The following CTSS variants were observed in gnomAD, a reference collection of about 807,000 sequenced individuals.
The protein encoded by CTSS is cathepsin S.
A neutral mutation model predicts 39.9 loss-of-function variants in CTSS; 15 were observed. That is an observed-to-expected ratio of 0.38 (90% CI 0.25 to 0.58). The LOEUF is 0.58. Among genes scored for constraint, CTSS ranks in the 20% least tolerant of loss-of-function variants. CTSS has a pLI of 0.70. For missense variants in CTSS, 250 were observed against 398.2 expected, an observed-to-expected ratio of 0.63 and a Z score of 3.17; for synonymous variants, 126 against 138.2, an observed-to-expected ratio of 0.91 and a Z score of 0.62.
chr1:150,752,960 C>A (rs1653038265), intron 4 of CTSS, among the ~76,000 whole-genome samples: 1 of 152,080 alleles, frequency 6.6e-6, no homozygotes, highest in Non-Finnish European at 1.5e-5. Context: ...CTCAAGCGAT[C>A]CTCCCATCTC....
chr1:150,762,371 C>T (rs1180183456), intron 2 of CTSS, among the ~76,000 whole-genome samples: 8 of 152,084 alleles, frequency 5.3e-5, no homozygotes, highest in Non-Finnish European at 5.9e-5. Context: ...GTCCGGGCAA[C>T]GGTTTTTTGA....
intron 1 of CTSS, among the ~76,000 whole-genome samples, chr1:150,765,478 T>C (rs1653355526): frequency 6.6e-6 from 1 of 152,218 alleles, no homozygotes; most frequent in Non-Finnish European, 1.5e-5. Flanking sequence ...TGTAAGCCTT[T>C]AAATTATATT....
At position 150,747,894 on chromosome 1, in the gene CTSS, T is replaced by C. The variant is rs369500729; in HGVS notation, c.794-15A>G. On this transcript the variant is annotated splice_polypyrimidine_tract_variant and intron_variant, in intron 6 of 7. Coordinates refer to ENST00000368985, the MANE Select transcript of CTSS (RefSeq NM_004079.5). The stretch of plus-strand genomic sequence containing the variant: ...ATAGTAGACACCTGAGAATCAAATA[T>C]GGGTGGGAAAAAAGAGTGAATACTA... The C allele has an allele frequency of 6.5e-6, 10 of 1,537,774 alleles. No individual in the cohort carries two copies. Among genetic ancestry groups the C allele is most frequent in the Non-Finnish European group, 9.0e-6 (10 of 1,114,842 alleles).
Position 150,755,170 on chromosome 1 carries a change from T to C in CTSS, c.250-20A>G. On this transcript the variant is annotated intron_variant, in intron 3 of 7. Transcript: ENST00000368985. ...ACTGGTCTACAAAGCAAATATACAG[T>C]CAGGCATTGTTTAATGACTGGAATA... is the stretch of plus-strand genomic sequence containing the variant. 6.2e-7 allele frequency: 1 copy of C among 1,612,058 alleles called. No individual in the cohort carries two copies.
At chr1:150,744,723 A>G (rs1201992554) in intron 7 of CTSS, among the ~76,000 whole-genome samples, 3 of 144,070 alleles carry the variant, frequency 2.1e-5, no homozygotes, top group South Asian at 2.2e-4. Context: ...AATATATATT[A>G]TATATATTTT....
chr1:150,749,090 A>G (rs761635741), intron 6 of CTSS, among the ~76,000 whole-genome samples: 1 of 152,164 alleles, frequency 6.6e-6, no homozygotes, highest in African/African-American at 2.4e-5. Flanking sequence ...ACACAATGAT[A>G]TTGAAATTAT....
chr1:150,754,907 TG>T, intron 4 of CTSS, 93 bp downstream of exon 4: 1 of 1,305,088 alleles, frequency 7.7e-7, no homozygotes, highest in Non-Finnish European at 1.1e-6. Context: ...AAGTAACACG[TG>T]GGACTGTAAG....
chr1:150,749,908 GCCTCCAAA>G, intron 6 of CTSS, 90 bp downstream of exon 6: 1 of 1,045,788 alleles, frequency 9.6e-7, no homozygotes, highest in South Asian at 1.8e-5. Flanking sequence ...TCCCACCTCA[GCCTCCAAA>G]GCTAGAATTA....
chr1:150,736,841 TCTG>T (rs1557807963), intron 7 of CTSS, among the ~76,000 whole-genome samples: 1 of 152,138 alleles, frequency 6.6e-6, no homozygotes, highest in Non-Finnish European at 1.5e-5. Context: ...TTATACAAGA[TCTG>T]CTCCAAATGT....
rs1003621123 is a variant in CTSS, at chr1:150,732,084, TA to T, written c.*961del. ...CACCACTCCTGGATAGTTTCTTTTT[TA>T]TTTTTGTGGAGACAAGGTCTCACTA... On this transcript the variant is annotated 3_prime_UTR_variant, in exon 8 of 8. Transcript: ENST00000368985. The T allele has an allele frequency of 1.3e-5, 2 of 152,202 alleles. No individual in the cohort carries two copies. Among genetic ancestry groups the T allele is most frequent in the Non-Finnish European group, 2.9e-5 (2 of 68,094 alleles). The allele number at this position is 152,202 out of a possible 1,614,324, so 9.4% of individuals were successfully genotyped here. A position where few individuals can be genotyped will look rare whatever the true frequency, so the allele number is the denominator to read the frequency against.
At chr1:150,757,252 C>T (rs587659490) in intron 3 of CTSS, among the ~76,000 whole-genome samples, 1 of 152,088 alleles carries the variant, frequency 6.6e-6, no homozygotes, top group Admixed American at 6.6e-5. Context: ...TACAGGGAGG[C>T]AGATTTTTGT....
rs1299317068 is a variant in CTSS, at chr1:150,751,998, C to A, written c.410G>T (p.Gly137Val). Residue 137 changes from glycine (G) to valine (V), a missense_variant, in exon 5 of 8, where the codon GGT (glycine) becomes GTT (valine). Transcript: ENST00000368985. Reference sequence around the variant, plus strand: ...CACAGCACTGAAAGCCCAGCAAGCACCACAAGAACCCTAAAACAGATACAA... The same window carrying A: ...CACAGCACTGAAAGCCCAGCAAGCAACACAAGAACCCTAAAACAGATACAA... Reference protein sequence around the residue: ...VTEVKYQGSCGACWAFSAVGA... With the variant: ...VTEVKYQGSCVACWAFSAVGA... The A allele has an allele frequency of 1.2e-6, 2 of 1,613,996 alleles. No individual in the cohort carries two copies. Among genetic ancestry groups the A allele is most frequent in the Admixed American group, 3.3e-5 (2 of 59,982 alleles).
At chr1:150,748,227 T>C (rs1403584651) in intron 6 of CTSS, 1 of 165,134 alleles carries the variant, frequency 6.1e-6, no homozygotes, top group Admixed American at 6.2e-5. Context: ...GAGGCAGAGG[T>C]TGCAGTGAGC....
chr1:150,741,886 G>C (rs587728102), intron 7 of CTSS, among the ~76,000 whole-genome samples: 108 of 58,374 alleles, frequency 1.9e-3, no homozygotes, highest in Middle Eastern at 0.02. Flanking sequence ...AAAAAAAAAG[G>C]GGGGGGGAAG....
chr1:150,756,247 C>T (rs1653123808), intron 3 of CTSS, among the ~76,000 whole-genome samples: 1 of 152,144 alleles, frequency 6.6e-6, no homozygotes, highest in South Asian at 2.1e-4. Flanking sequence ...GGCAACAACA[C>T]GTATGGAGCT....
In CTSS at chr1:150,731,029, A is replaced by G. The variant is rs950200536; in HGVS notation, c.*2017T>C. 6.6e-6 allele frequency: 1 copy of G among 152,230 alleles called. No individual in the cohort carries two copies. The highest frequency in any genetic ancestry group is 1.5e-5 in the Non-Finnish European group (1 of 68,034). 9.4% of individuals were successfully genotyped at this position (152,230 alleles called of 1,614,324 possible). A position where few individuals can be genotyped will look rare whatever the true frequency, so the allele number is the denominator to read the frequency against. On this transcript the variant is annotated 3_prime_UTR_variant, in exon 8 of 8. Transcript: ENST00000368985. ...CTTTAACAGATAGCTAAAGACTAAG[A>G]ACCCATGTTTTTATTCTACTTTCAA... is the stretch of plus-strand genomic sequence containing the variant.
At chr1:150,733,905 T>C (rs587690314) in intron 7 of CTSS, among the ~76,000 whole-genome samples, 105 of 152,294 alleles carry the variant, frequency 6.9e-4, no homozygotes, top group African/African-American at 2.4e-3. Flanking sequence ...AGAAAAATCA[T>C]GGGTCGGATT....
chr1:150,747,934 G>A (rs1652922276), intron 6 of CTSS, 55 bp from the exon 7 acceptor site: 8 of 1,178,424 alleles, frequency 6.8e-6, no homozygotes, highest in South Asian at 2.6e-5. Context: ...ATAATAAAGG[G>A]CATTTTAAAA....
In CTSS at chr1:150,765,708, C is replaced by T. The variant is rs1476563673; in HGVS notation, c.-12G>A. On this transcript the variant is annotated 5_prime_UTR_variant, in exon 1 of 8. Transcript: ENST00000368985. ...ACAAAGAGTACATACGTGATAGAAC[C>T]AGCAGTTGCTCCCACAGTAAGAGTC... 2 of 152,152 alleles carry T rather than the reference C, an allele frequency of 1.3e-5. No individual in the cohort carries two copies. Among genetic ancestry groups the T allele is most frequent in the Non-Finnish European group, 2.9e-5 (2 of 68,028 alleles). The allele number at this position is 152,152 out of a possible 1,614,324, so 9.4% of individuals were successfully genotyped here.
Sources: gnomAD v4.1 joint callset for allele counts (sites outside exome capture counted in the v4.1 genomes callset) on GRCh38, gnomAD v4.1.1 for gene constraint, MANE v1.5 for transcripts, NCBI Gene and HGNC (gene_info 2026-07-23, HGNC 2026-07-21) for gene names.